The following YJU2B variants were observed in gnomAD, a reference collection of about 807,000 sequenced individuals.
The protein encoded by YJU2B is YJU2 splicing factor homolog B.
Under a neutral mutation model 38.0 loss-of-function variants are expected in YJU2B, and 18 were observed. The ratio of observed to expected loss-of-function variants is 0.47; its 90% CI spans 0.33 to 0.70. The LOEUF is 0.70. Among genes scored for constraint, YJU2B ranks in the 30% least tolerant of loss-of-function variants. YJU2B has a pLI of 0.02. For synonymous variants in YJU2B, 246 were observed against 225.4 expected, an observed-to-expected ratio of 1.09 and a Z score of -0.82; for missense variants, 538 against 556.3, an observed-to-expected ratio of 0.97 and a Z score of 0.33.
At position 13,762,948 on chromosome 19, in the gene YJU2B, G is replaced by A. The variant is rs773075861; in HGVS notation, c.1071G>A (p.Gln357=). 7 of 1,611,918 alleles carry A rather than the reference G, an allele frequency of 4.3e-6. No homozygotes were observed. The highest frequency in any genetic ancestry group is 1.7e-5 in the Admixed American group (1 of 59,910). The change falls in exon 10 of 10, where the codon CAG becomes CAA. Residue 357 remains glutamine, a synonymous_variant. Coordinates refer to ENST00000221554, the MANE Select transcript of YJU2B (RefSeq NM_030818.4). ...CGAGGGGGCAGGAAGGGAGCCGTCA[G>A]GACAAGCCCCTGTCGCCAGCAGGCT... ...SSPRGQEGSR[Q]DKPLSPAGSS...
intron 8 of YJU2B, 39 bp from the exon 9 acceptor site, chr19:13,762,260 G>GCA (rs771288835): frequency 1.2e-6 from 2 of 1,604,588 alleles, no homozygotes; most frequent in East Asian, 4.5e-5. Context: ...ACAGGGCTTT[G>GCA]ACACCCCCTA....
chr19:13,762,870 G>C lies in YJU2B; in HGVS notation c.993G>C (p.Met331Ile). ...VPEEAAQDRP[M>I]SPGDCPPETT... is the part of the protein sequence containing the mutation. ...AGGAGGCTGCCCAGGACCGGCCCAT[G>C]TCCCCCGGAGACTGTCCTCCGGAAA... The change falls in exon 10 of 10, where the codon ATG (methionine) becomes ATC (isoleucine). Residue 331 changes from methionine to isoleucine, a missense_variant. This residue lies in a region of YJU2B where 488 missense variants were observed against 469.5 expected (regional missense o/e 1.04). Coordinates refer to ENST00000221554, the MANE Select transcript of YJU2B (RefSeq NM_030818.4). 1 of 1,609,610 alleles carries C rather than the reference G, an allele frequency of 6.2e-7. No homozygotes were observed. The highest frequency in any genetic ancestry group is 8.5e-7 in the Non-Finnish European group (1 of 1,178,712).
At chr19:13,746,334 AC>A (rs2145110988), upstream of YJU2B, among the ~76,000 whole-genome samples, 1 of 152,234 alleles carries the variant, frequency 6.6e-6, no homozygotes, top group South Asian at 2.1e-4. Context: ...AGAAGTATCC[AC>A]CCACTTCTTC....
chr19:13,758,503 G>A (rs1433869756), intron 6 of YJU2B, among the ~76,000 whole-genome samples: 1 of 152,180 alleles, frequency 6.6e-6, no homozygotes, highest in Non-Finnish European at 1.5e-5. Context: ...ACAAATGGAT[G>A]GATGAGCAAA....
Position 13,759,082 on chromosome 19 carries a change from G to T in YJU2B, c.401-18G>T, listed in dbSNP as rs760623285. 2 of 1,613,136 alleles carry T rather than the reference G, an allele frequency of 1.2e-6. No homozygotes were observed. The highest frequency in any genetic ancestry group is 1.7e-6 in the Non-Finnish European group (2 of 1,179,624). ...GCGCTGGGGCCCCCAAAGCCCAGCC[G>T]AGCTCTGATCGTTGCAGAGCATGAG... On this transcript the variant is annotated intron_variant, in intron 7 of 9. Coordinates refer to ENST00000221554, the MANE Select transcript of YJU2B (RefSeq NM_030818.4).
upstream of YJU2B, among the ~76,000 whole-genome samples, chr19:13,745,660 TAG>T (rs1280577672): frequency 9.8e-6 from 1 of 102,058 alleles, no homozygotes; most frequent in Admixed American, 9.9e-5. Context: ...GATAGATAGA[TAG>T]ATAGATAGAT....
intron 1 of YJU2B, among the ~76,000 whole-genome samples, chr19:13,748,960 C>T (rs1458006800): frequency 6.6e-6 from 1 of 151,922 alleles, no homozygotes; most frequent in Admixed American, 6.6e-5. Flanking sequence ...CTCACCACCT[C>T]ACTACACCAC....
intron 1 of YJU2B, among the ~76,000 whole-genome samples, chr19:13,749,230 C>A (rs964851095): frequency 1.2e-4 from 18 of 152,208 alleles, no homozygotes; most frequent in East Asian, 5.8e-4. Flanking sequence ...TCTTGAACTC[C>A]TGACCTCAAG....
intron 2 of YJU2B, among the ~76,000 whole-genome samples, chr19:13,735,506 C>T (rs904684856): frequency 1.8e-4 from 27 of 151,886 alleles, no homozygotes; most frequent in Non-Finnish European, 2.9e-4. Flanking sequence ...TTATTGAAGC[C>T]GCCCAGCCAC....
rs898090730 is a variant in YJU2B, at chr19:13,762,572, T to C, written c.713-18T>C. 6 of 1,527,318 alleles carry C rather than the reference T, an allele frequency of 3.9e-6. No individual in the cohort carries two copies. The highest frequency in any genetic ancestry group is 2.3e-5 in the East Asian group (1 of 44,230). 94.6% of individuals were successfully genotyped at this position (1,527,318 alleles called of 1,614,324 possible). A position where few individuals can be genotyped will look rare whatever the true frequency, so the allele number is the denominator to read the frequency against. On this transcript the variant is annotated intron_variant, in intron 9 of 9. Coordinates refer to ENST00000221554, the MANE Select transcript of YJU2B (RefSeq NM_030818.4). Reference sequence around the variant, plus strand: ...CCCCTCCCCTGCCGCCCCTGAAATGTCCTCTCCTCTCCTCTAGCCTACGAG... The same window carrying C: ...CCCCTCCCCTGCCGCCCCTGAAATGCCCTCTCCTCTCCTCTAGCCTACGAG...
chr19:13,740,569 G>A (rs1421604343), intron 2 of YJU2B, among the ~76,000 whole-genome samples: 2 of 151,828 alleles, frequency 1.3e-5, no homozygotes, highest in Non-Finnish European at 1.5e-5. Context: ...ATGGAGTCTC[G>A]CTCTGTCACC....
intron 3 of YJU2B, 23 bp from the exon 4 acceptor site, chr19:13,756,174 C>T (rs776444704): frequency 2.9e-5 from 47 of 1,602,692 alleles, no homozygotes; most frequent in Admixed American, 5.0e-5. Context: ...AGCACTAATC[C>T]GCTCCTCATC....
At chr19:13,760,036 C>T (rs1310731047) in intron 8 of YJU2B, among the ~76,000 whole-genome samples, 1 of 152,106 alleles carries the variant, frequency 6.6e-6, no homozygotes, top group Admixed American at 6.6e-5. Flanking sequence ...AGGTTATCTG[C>T]CTGCCTCGGC....
At position 13,757,446 on chromosome 19, in the gene YJU2B, G is replaced by A. The variant is rs374992243; in HGVS notation, c.169G>A (p.Asp57Asn). The change falls in exon 5 of 10, where the codon GAT becomes AAT. Residue 57 changes from aspartate to asparagine, a missense_variant. Around this residue, in one of 2 missense-constraint regions of YJU2B, gnomAD observed 50 missense variants for 86.9 expected, o/e 0.58. Transcript: ENST00000221554. ...RFEMPYNIWC[D>N]GCKNHIGMGV... ...CGAAATGCCATATAACATCTGGTGCGATGGCTGCAAGAACCACATCGGCAT... is the reference window on the plus strand; with the variant it reads ...CGAAATGCCATATAACATCTGGTGCAATGGCTGCAAGAACCACATCGGCAT... The A allele has an allele frequency of 1.5e-4, 242 of 1,613,906 alleles. 1 individual carries two copies. The highest frequency in any genetic ancestry group is 8.3e-4 in the Middle Eastern group (5 of 6,010).
intron 7 of YJU2B, 25 bp downstream of exon 7, chr19:13,759,035 TG>T (rs748420850): frequency 1.2e-6 from 2 of 1,611,816 alleles, no homozygotes; most frequent in African/African-American, 2.7e-5. Flanking sequence ...CTTACCTGCC[TG>T]GGGGCCCTGG....
At chr19:13,749,522 T>C (rs1208947037) in intron 1 of YJU2B, among the ~76,000 whole-genome samples, 1 of 152,190 alleles carries the variant, frequency 6.6e-6, no homozygotes, top group Non-Finnish European at 1.5e-5. Context: ...CCTAAAAAGC[T>C]AGAAATACTT....
At chr19:13,735,774 CG>C (rs1304718124) in intron 2 of YJU2B, among the ~76,000 whole-genome samples, 1 of 151,926 alleles carries the variant, frequency 6.6e-6, no homozygotes, top group East Asian at 1.9e-4. Flanking sequence ...CTCTTGCGGC[CG>C]GGTGCGGTGG....
chr19:13,747,366 A>C (rs1973280477), upstream of YJU2B, among the ~76,000 whole-genome samples: 1 of 152,220 alleles, frequency 6.6e-6, no homozygotes, highest in Non-Finnish European at 1.5e-5. Flanking sequence ...ATGCAAAAAC[A>C]GAGCAGTGGT....
rs1449006328 is a variant in YJU2B at position 13,763,175 on chromosome 19, C to G, written c.*107C>G. 4.6e-6 allele frequency: 4 copies of G among 872,354 alleles called. No homozygotes were observed. The highest frequency in any genetic ancestry group is 6.9e-6 in the Non-Finnish European group (4 of 578,614). The allele number at this position is 872,354 out of a possible 1,614,324, so 54.0% of individuals were successfully genotyped here. On this transcript the variant is annotated 3_prime_UTR_variant, in exon 10 of 10. Coordinates refer to ENST00000221554, the MANE Select transcript of YJU2B (RefSeq NM_030818.4). ...CTCGCCCACCAGCCCTGGGAGAGCT[C>G]AGATGCCGCATCCTCCCCAGACCGC...
Sources: allele counts gnomAD v4.1 joint callset (sites outside exome capture counted in the v4.1 genomes callset), GRCh38; gene constraint gnomAD v4.1.1; regional missense constraint gnomAD v4.1.1; transcripts MANE v1.5; gene names NCBI Gene and HGNC (gene_info 2026-07-23, HGNC 2026-07-21).